The following TMEM145 variants were observed in gnomAD, a reference collection of about 807,000 sequenced individuals.
TMEM145 encodes the protein transmembrane protein 145.
In TMEM145, 46 loss-of-function variants were observed where a neutral mutation model predicts 68.5. The observed-to-expected ratio is 0.67, with a 90% CI of 0.53 to 0.86. The LOEUF is 0.86. Ranked by LOEUF, TMEM145 falls within the 40% of genes least tolerant of loss-of-function variation. The pLI, the probability that TMEM145 is intolerant of heterozygous loss-of-function variation, is 0.00. For synonymous variants in TMEM145, 255 were observed against 280.2 expected (o/e 0.91, Z 0.90); for missense variants, 570 against 645.8 (o/e 0.88, Z 1.27).
intron 2 of TMEM145, 51 bp downstream of exon 2, chr19:42,314,397 C>T: frequency 1.2e-6 from 2 of 1,613,978 alleles, no homozygotes; most frequent in East Asian, 2.2e-5. Flanking sequence ...TTCCCTTGGC[C>T]TCCAAAGGCA....
intron 14 of TMEM145, 89 bp from the exon 15 acceptor site, chr19:42,324,648 G>A (rs1311208389): frequency 1.5e-6 from 1 of 686,668 alleles, no homozygotes; most frequent in Non-Finnish European, 1.7e-6. Flanking sequence ...CCCACCCCGC[G>A]CGCCCAGGTT....
intron 12 of TMEM145, 138 bp downstream of exon 12, chr19:42,318,019 T>A: frequency 1.0e-6 from 1 of 958,838 alleles, no homozygotes; most frequent in Non-Finnish European, 1.6e-6. Flanking sequence ...ATCTGCCACT[T>A]ACTCACTTTG....
intron 14 of TMEM145, chr19:42,324,129 A>G: frequency 3.8e-6 from 2 of 532,448 alleles, no homozygotes; most frequent in Non-Finnish European, 4.8e-6. Flanking sequence ...CCCGCTGCCC[A>G]GGCGCCCCGC....
chr19:42,313,354 G>C lies in TMEM145; in HGVS notation c.-23G>C, dbSNP rs1028673591. ...CCGGGCCAGTGCGGGAGCCGGAGCG[G>C]AGCCGGGGCCGGAGCGGGCGGAATG... On this transcript the variant is annotated 5_prime_UTR_variant, in exon 1 of 15. Coordinates refer to ENST00000301204, the MANE Select transcript of TMEM145 (RefSeq NM_173633.3). The surrounding 1 kb of genome is among the most constrained non-coding windows in gnomAD (Gnocchi z 5.1). 1.3e-5 allele frequency: 13 copies of C among 1,010,042 alleles called. No individual in the cohort carries two copies. The highest frequency in any genetic ancestry group is 1.7e-5 in the African/African-American group (1 of 58,888). The allele number at this position is 1,010,042 out of a possible 1,614,324, so 62.6% of individuals were successfully genotyped here.
At position 42,313,538 on chromosome 19, in the gene TMEM145, G is replaced by T. The variant is rs2038824180; in HGVS notation, c.120+42G>T. 8.0e-7 allele frequency: 1 copy of T among 1,245,782 alleles called. No homozygotes were observed. The highest frequency in any genetic ancestry group is 1.6e-5 in the African/African-American group (1 of 64,262). The allele number at this position is 1,245,782 out of a possible 1,614,324, so 77.2% of individuals were successfully genotyped here. ...CTCCTCTGCGGCCCGCCGGCCCCCGGGGGACGCAAGGGAGGCGAGGGGAGC... is the reference window on the plus strand; with the variant it reads ...CTCCTCTGCGGCCCGCCGGCCCCCGTGGGACGCAAGGGAGGCGAGGGGAGC... On this transcript the variant is annotated intron_variant, in intron 1 of 14. Transcript: ENST00000301204. The surrounding 1 kb of genome is among the most constrained non-coding windows in gnomAD (Gnocchi z 5.1).
intron 12 of TMEM145, 143 bp downstream of exon 12, chr19:42,318,024 A>G: frequency 1.1e-6 from 1 of 921,704 alleles, no homozygotes; most frequent in Non-Finnish European, 1.6e-6. Flanking sequence ...CCACTTACTC[A>G]CTTTGTGAAA....
In TMEM145 at chr19:42,320,450, A is replaced by T; in HGVS notation, c.1194+13A>T. 6.2e-7 allele frequency: 1 copy of T among 1,613,590 alleles called. No homozygotes were observed. Among genetic ancestry groups the T allele is most frequent in the South Asian group, 1.1e-5 (1 of 91,082 alleles). ...TGGCGTGTTTCTGGTGAGGATGGGC[A>T]TCTGTGGGGGGTGGAGGGGAGGACC... On this transcript the variant is annotated intron_variant, in intron 13 of 14. Transcript: ENST00000301204.
chr19:42,323,531 C>T lies in TMEM145; in HGVS notation c.1195-52C>T, dbSNP rs1227041632. On this transcript the variant is annotated intron_variant, in intron 13 of 14. Transcript: ENST00000301204. ...CCTTCGGACCCCAAGTTTATGGGGA[C>T]AGCCTCCGGCCTGACAGTGCCTCTC... is the stretch of plus-strand genomic sequence containing the variant. 2.5e-6 allele frequency: 4 copies of T among 1,575,912 alleles called. No homozygotes were observed. The East Asian group carries it at 9.0e-5, about 35-fold the overall frequency.
chr19:42,321,948 G>C (rs1295428464), intron 13 of TMEM145, among the ~76,000 whole-genome samples: 1 of 152,212 alleles, frequency 6.6e-6, no homozygotes, highest in Non-Finnish European at 1.5e-5. Flanking sequence ...GAGAAGTGAC[G>C]TGCCAGGGCT....
chr19:42,314,965 C>G, intron 5 of TMEM145, 28 bp from the exon 6 acceptor site: 3 of 1,613,616 alleles, frequency 1.9e-6, no homozygotes, highest in Non-Finnish European at 2.5e-6. Flanking sequence ...TGCCCAGGGC[C>G]CCCCTTAGGC....
At position 42,323,732 on chromosome 19, in the gene TMEM145, C is replaced by T; in HGVS notation, c.1344C>T (p.Ile448=). The T allele has an allele frequency of 1.9e-6, 3 of 1,614,180 alleles. No individual in the cohort carries two copies. The highest frequency in any genetic ancestry group is 2.5e-6 in the Non-Finnish European group (3 of 1,180,018). Residue 448 remains isoleucine, a synonymous_variant, in exon 14 of 15, where the codon ATC becomes ATT. Coordinates refer to ENST00000301204, the MANE Select transcript of TMEM145 (RefSeq NM_173633.3). ...ACGTCTATGGGAACGTGACGTTTAT[C>T]AGCGACTCGGTGCCCAACTTCACGG... ...PQHVYGNVTF[I]SDSVPNFTEL... is the part of the protein sequence containing the mutation.
chr19:42,324,232 C>T (rs938036882), intron 14 of TMEM145: 10 of 979,490 alleles, frequency 1.0e-5, no homozygotes, highest in African/African-American at 1.7e-5. Context: ...GCCGCATCTG[C>T]CCCCCGAGGG....
chr19:42,323,635 C>A lies in TMEM145; in HGVS notation c.1247C>A (p.Thr416Lys). The change falls in exon 14 of 15, where the codon ACG becomes AAG. Residue 416 changes from threonine to lysine, a missense_variant. By Grantham distance (78) the Thr-to-Lys change is moderately conservative (BLOSUM62 -1). Coordinates refer to ENST00000301204, the MANE Select transcript of TMEM145 (RefSeq NM_173633.3). ...ANKNFPYHVR[T>K]SQIASAGVPG... ...AAGAACTTCCCGTACCACGTGCGCA[C>A]GTCGCAGATCGCTTCAGCCGGAGTC... 6.2e-7 allele frequency: 1 copy of A among 1,614,198 alleles called. No homozygotes were observed. The highest frequency in any genetic ancestry group is 8.5e-7 in the Non-Finnish European group (1 of 1,180,024).
chr19:42,318,626 G>T (rs2038883110), intron 12 of TMEM145, among the ~76,000 whole-genome samples: 2 of 150,950 alleles, frequency 1.3e-5, no homozygotes, highest in African/African-American at 2.4e-5. Flanking sequence ...GGCAGAGGTT[G>T]CAGTGAGCCG....
chr19:42,314,304 C>A lies in TMEM145; in HGVS notation c.153C>A (p.Leu51=). 7 of 1,614,024 alleles carry A rather than the reference C, an allele frequency of 4.3e-6. No homozygotes were observed. Among genetic ancestry groups the A allele is most frequent in the Non-Finnish European group, 5.9e-6 (7 of 1,179,990 alleles). ...DWVFLTRFCF[L]SDYGRLDFRF... Reference sequence around the variant, plus strand: ...TGTTCCTGACAAGATTTTGTTTCCTCTCGGATTACGGCCGACTGGACTTCC... The same window carrying A: ...TGTTCCTGACAAGATTTTGTTTCCTATCGGATTACGGCCGACTGGACTTCC... Residue 51 remains leucine (L), a synonymous_variant, in exon 2 of 15, where the codon CTC becomes CTA. Transcript: ENST00000301204.
At chr19:42,321,107 CCCCCTG>C in intron 13 of TMEM145, 1 of 398,922 alleles carries the variant, frequency 2.5e-6, no homozygotes, top group Non-Finnish European at 4.4e-6. Flanking sequence ...TCTCCACTCT[CCCCCTG>C]CCCCTGCCCA....
Position 42,324,855 on chromosome 19 carries a change from G to A in TMEM145, c.*38G>A, listed in dbSNP as rs963477225. On this transcript the variant is annotated 3_prime_UTR_variant, in exon 15 of 15. Coordinates refer to ENST00000301204, the MANE Select transcript of TMEM145 (RefSeq NM_173633.3). The stretch of plus-strand genomic sequence containing the variant: ...CCGGAACACCCGTGGTGACCGCCGG[G>A]ACCCTGCCTGTGACTCTCCAGGACT... 23 of 1,509,794 alleles carry A rather than the reference G, an allele frequency of 1.5e-5. No homozygotes were observed. The highest frequency in any genetic ancestry group is 2.0e-5 in the Non-Finnish European group (23 of 1,136,008). The allele number at this position is 1,509,794 out of a possible 1,614,324, so 93.5% of individuals were successfully genotyped here.
rs1465163838 is a variant in TMEM145, at chr19:42,317,844, C to T, written c.1036C>T (p.Pro346Ser). Reference protein sequence around the residue: ...VSLRHFPEKQPFYVPFFAAYT... With the variant: ...VSLRHFPEKQSFYVPFFAAYT... The stretch of plus-strand genomic sequence containing the variant: ...ACTGCGACACTTTCCTGAGAAGCAG[C>T]CTTTTTATGTGCCCTTCTTTGCTGC... Residue 346 changes from proline (P) to serine (S), a missense_variant, in exon 12 of 15, where the codon CCT (proline) becomes TCT (serine). By Grantham distance (74) the Pro-to-Ser change is moderately conservative (BLOSUM62 -1). Transcript: ENST00000301204. The T allele has an allele frequency of 6.2e-7, 1 of 1,614,170 alleles. No individual in the cohort carries two copies. The highest frequency in any genetic ancestry group is 1.1e-5 in the South Asian group (1 of 91,072).
At chr19:42,324,481 A>G in intron 14 of TMEM145, 1 of 985,250 alleles carries the variant, frequency 1.0e-6, no homozygotes, top group Non-Finnish European at 1.2e-6. Context: ...GCTTCACCGA[A>G]TACTTCAGCA....
Sources: gnomAD v4.1 joint callset for allele counts (sites outside exome capture counted in the v4.1 genomes callset) on GRCh38, gnomAD v4.1.1 for gene constraint, Gnocchi (gnomAD v3.1) non-coding constraint, MANE v1.5 for transcripts, NCBI Gene and HGNC (gene_info 2026-07-23, HGNC 2026-07-21) for gene names.